CDC14A: variants seen among roughly 807,000 people sequenced by gnomAD.
CDC14A encodes the protein cell division cycle 14A, also known as dual specificity protein phosphatase CDC14A.
Under a neutral mutation model 74.4 loss-of-function variants are expected in CDC14A, and 53 were observed. The observed-to-expected ratio is 0.71, with a 90% CI of 0.57 to 0.89. The LOEUF is 0.89. CDC14A is among the 40% of genes least tolerant of loss of function. CDC14A has a pLI of 0.00. For synonymous variants in CDC14A, 247 were observed against 258.4 expected (o/e 0.96, Z 0.43); for missense variants, 646 against 713.7 (o/e 0.91, Z 1.08).
chr1:100,360,246 C>A (rs1652553361), intron 2 of CDC14A, among the ~76,000 whole-genome samples: 1 of 151,516 alleles, frequency 6.6e-6, no homozygotes, highest in African/African-American at 2.4e-5. Flanking sequence ...GCCACTGTGC[C>A]TAGCCTTTTT....
intron 8 of CDC14A, among the ~76,000 whole-genome samples, chr1:100,456,012 G>A (rs907599789): frequency 6.6e-6 from 1 of 152,202 alleles, no homozygotes; most frequent in African/African-American, 2.4e-5. Flanking sequence ...TTAGGGAGGA[G>A]TAAATTGAGC....
At chr1:100,418,762 A>T (rs901728486) in intron 4 of CDC14A, among the ~76,000 whole-genome samples, 1 of 152,230 alleles carries the variant, frequency 6.6e-6, no homozygotes, top group Non-Finnish European at 1.5e-5. Flanking sequence ...TTTCTTGCTT[A>T]GTTCCGTCTC....
intron 15 of CDC14A, among the ~76,000 whole-genome samples, chr1:100,517,749 G>C (rs1051286295): frequency 9.9e-5 from 15 of 152,162 alleles, no homozygotes; most frequent in African/African-American, 3.6e-4. Context: ...TTAAGGGAAA[G>C]GATGTGTAAG....
rs1184181035 is a variant in CDC14A at position 100,508,602 on chromosome 1, T to C, written c.1755+9340T>C. ...AGAAACAGACCTTAATGACCCAGGC[T>C]TCCATCTCTTGGTGAGCTCCTCCCA... On this transcript the variant is annotated intron_variant, in intron 15 of 15. Coordinates refer to ENST00000336454, the MANE Select transcript of CDC14A (RefSeq NM_003672.4). This position sits in a 1 kb window ranked among gnomAD's most constrained non-coding sequence, Gnocchi z 4.4. Among the ~76,000 whole-genome samples, 1 of 152,186 alleles carries C rather than the reference T, an allele frequency of 6.6e-6. No individual in the cohort carries two copies. The highest frequency in any genetic ancestry group is 1.5e-5 in the Non-Finnish European group (1 of 68,032).
chr1:100,393,141 A>T, intron 4 of CDC14A: 1 of 1,503,782 alleles, frequency 6.6e-7, no homozygotes. Flanking sequence ...CATAATTCTT[A>T]CTACAGATAT....
At chr1:100,431,740 C>G (rs1663713656) in intron 5 of CDC14A, among the ~76,000 whole-genome samples, 1 of 151,342 alleles carries the variant, frequency 6.6e-6, no homozygotes, top group East Asian at 1.9e-4. Flanking sequence ...GTCCTAGTTG[C>G]CTGGGAGGTT....
chr1:100,403,799 A>C (rs1382984944), intron 4 of CDC14A, among the ~76,000 whole-genome samples: 1 of 152,192 alleles, frequency 6.6e-6, no homozygotes, highest in Non-Finnish European at 1.5e-5. Flanking sequence ...TAGCTAGGTC[A>C]ACGTTGTGGG....
At chr1:100,498,475 A>G (rs1008717963) in intron 14 of CDC14A, among the ~76,000 whole-genome samples, 23 of 152,348 alleles carry the variant, frequency 1.5e-4, no homozygotes, top group African/African-American at 5.5e-4. Context: ...AGTTGTATAT[A>G]CAAATGATAT....
chr1:100,488,790 T>G (rs970334951), intron 11 of CDC14A, among the ~76,000 whole-genome samples: 2 of 152,236 alleles, frequency 1.3e-5, no homozygotes, highest in African/African-American at 4.8e-5. Flanking sequence ...GGGTACATCT[T>G]AGAAAAATCT....
At chr1:100,444,935 AAG>A (rs1402286241) in intron 7 of CDC14A, among the ~76,000 whole-genome samples, 1 of 152,198 alleles carries the variant, frequency 6.6e-6, no homozygotes, top group African/African-American at 2.4e-5. Flanking sequence ...AAAAAACCCA[AAG>A]AGAGTTTTTT....
At chr1:100,450,431 G>T (rs1666016420) in intron 7 of CDC14A, among the ~76,000 whole-genome samples, 1 of 152,202 alleles carries the variant, frequency 6.6e-6, no homozygotes, top group Non-Finnish European at 1.5e-5. Flanking sequence ...TAATGGGACT[G>T]CCATAGGACT....
chr1:100,404,994 A>C (rs1017543285), intron 4 of CDC14A, among the ~76,000 whole-genome samples: 2 of 152,256 alleles, frequency 1.3e-5, no homozygotes, highest in Admixed American at 6.5e-5. Flanking sequence ...ATTAATGAGC[A>C]GACAGACAAG....
intron 1 of CDC14A, among the ~76,000 whole-genome samples, chr1:100,345,450 A>T (rs144655839): frequency 2.5e-3 from 388 of 152,296 alleles, no homozygotes; most frequent in African/African-American, 9.0e-3. Context: ...GTGAGTTAGA[A>T]ATTATTATAA....
At chr1:100,421,012 T>C (rs137923717) in intron 4 of CDC14A, among the ~76,000 whole-genome samples, 31 of 152,324 alleles carry the variant, frequency 2.0e-4, no homozygotes, top group African/African-American at 7.0e-4. Context: ...TGTTAAATGC[T>C]ATATTATTAA....
chr1:100,382,242 G>T (rs1656236663), intron 3 of CDC14A, among the ~76,000 whole-genome samples: 1 of 145,876 alleles, frequency 6.9e-6, no homozygotes, highest in Non-Finnish European at 1.5e-5. Flanking sequence ...TTGAGAGGGG[G>T]TCTCACTGCG....
At position 100,376,039 on chromosome 1, in the gene CDC14A, A is replaced by G. The variant is rs143213899; in HGVS notation, c.141-1507A>G. Among the ~76,000 whole-genome samples, 24 of 152,320 alleles carry G rather than the reference A, an allele frequency of 1.6e-4. No homozygotes were observed. In the East Asian group the frequency reaches 3.7e-3, roughly 23 times the overall value. On this transcript the variant is annotated intron_variant, in intron 2 of 15. Coordinates refer to ENST00000336454, the MANE Select transcript of CDC14A (RefSeq NM_003672.4). ...TGGAAACCATCATTCTGAGCAAACT[A>G]TCACAAGGACAAAAAATCAAACACC...
chr1:100,377,260 G>A (rs984138851), intron 2 of CDC14A, among the ~76,000 whole-genome samples: 24 of 152,020 alleles, frequency 1.6e-4, no homozygotes, highest in African/African-American at 4.8e-4. Flanking sequence ...GGCTGGTCTC[G>A]AACACCTGAC....
chr1:100,418,955 C>T (rs529041832), intron 4 of CDC14A, among the ~76,000 whole-genome samples: 10 of 152,128 alleles, frequency 6.6e-5, no homozygotes, highest in African/African-American at 2.2e-4. Context: ...GAGGCTGAGG[C>T]GGGTGGATCA....
chr1:100,429,757 T>A, intron 5 of CDC14A, among the ~76,000 whole-genome samples: 1 of 145,216 alleles, frequency 6.9e-6, no homozygotes, highest in East Asian at 2.0e-4. Flanking sequence ...ATATATATAT[T>A]ATATATATAT....
Sources: allele counts gnomAD v4.1 joint callset (sites outside exome capture counted in the v4.1 genomes callset), GRCh38; gene constraint gnomAD v4.1.1; non-coding constraint Gnocchi (gnomAD v3.1); transcripts MANE v1.5; gene names NCBI Gene and HGNC (gene_info 2026-07-23, HGNC 2026-07-21).